The following BCOR variants were observed in gnomAD, a reference collection of about 807,000 sequenced individuals.
BCOR encodes the protein BCL-6 corepressor.
A neutral mutation model predicts 86.7 loss-of-function variants in BCOR; 10 were observed. That is an observed-to-expected ratio of 0.12 (90% CI 0.07 to 0.20). The LOEUF (loss-of-function observed/expected upper bound fraction) is 0.20, where lower values mean the gene tolerates loss of function less well. Among genes scored for constraint, BCOR ranks in the 10% least tolerant of loss-of-function variants. The pLI is 1.00. For missense variants in BCOR, 1,259 were observed against 1,452.1 expected (o/e 0.87, Z 2.16); for synonymous variants, 611 against 609.0 (o/e 1.00, Z -0.05).
chrX:40,141,467 G>A (rs528067633), intron 1 of BCOR, among the ~76,000 whole-genome samples: 1 of 112,390 alleles, frequency 8.9e-6, no homozygotes. Flanking sequence ...CACTGAGAGC[G>A]CCCCAAGGGG....
In BCOR at chrX:40,063,747, T is replaced by C. The variant is rs2147054095; in HGVS notation, c.3708A>G (p.Glu1236=). ...DGKPGRQSRK[E]VTQATQPEAI... ...CCTCAGGCTGAGTGGCCTGGGTCAC[T>C]TCCTTCCTGCTTTGCCGGCCAGGTT... Residue 1236 remains glutamate (E), a synonymous_variant, in exon 8 of 15, where the codon GAA becomes GAG. Coordinates refer to ENST00000378444, the MANE Select transcript of BCOR (RefSeq NM_001123385.2). 1 of 1,212,072 alleles carries C rather than the reference T, an allele frequency of 8.3e-7. No individual in the cohort carries two copies. Among genetic ancestry groups the C allele is most frequent in the Non-Finnish European group, 1.1e-6 (1 of 895,562 alleles).
intron 1 of BCOR, among the ~76,000 whole-genome samples, chrX:40,167,559 C>T (rs1320228485): frequency 3.5e-5 from 4 of 112,909 alleles, no homozygotes; most frequent in South Asian, 3.6e-4. Flanking sequence ...CTCTTCGCAC[C>T]ACTGTTTCTA....
At chrX:40,071,836 C>T (rs1935489222) in intron 4 of BCOR, 146 bp from the exon 5 acceptor site, 20 of 470,559 alleles carry the variant, frequency 4.3e-5, no homozygotes, top group Non-Finnish European at 6.0e-5. Flanking sequence ...AAGGAAATTC[C>T]TATACAACAT....
chrX:40,139,384 A>AT (rs1423709866), intron 1 of BCOR, among the ~76,000 whole-genome samples: 15 of 17,340 alleles, frequency 8.7e-4, no homozygotes, highest in South Asian at 5.5e-3. Context: ...ATATATATAT[A>AT]ATATATATAC....
At chrX:40,086,606 G>A (rs750395009) in intron 1 of BCOR, among the ~76,000 whole-genome samples, 4 of 113,784 alleles carry the variant, frequency 3.5e-5, no homozygotes, top group Admixed American at 2.8e-4. Flanking sequence ...GGATGCGCTG[G>A]CCAGAAACTG....
rs762722994 is a variant in BCOR, at chrX:40,074,860, T to C, written c.486A>G (p.Thr162=). Reference sequence around the variant, plus strand: ...GCCTGTCCAAGCCCAGCGCTTCTGCTGTGGCTACAGCACTTTTTTGTATTC... The same window carrying C: ...GCCTGTCCAAGCCCAGCGCTTCTGCCGTGGCTACAGCACTTTTTTGTATTC... ...PPGIQKSAVA[T]AEALGLDRPA... The change falls in exon 4 of 15, where the codon ACA becomes ACG. Residue 162 remains threonine (T), a synonymous_variant. Transcript: ENST00000378444. 11 of 1,209,733 alleles carry C rather than the reference T, an allele frequency of 9.1e-6. No individual in the cohort carries two copies. The highest frequency in any genetic ancestry group is 5.3e-5 in the South Asian group (3 of 56,725).
chrX:40,153,654 C>G lies in BCOR; in HGVS notation c.-41+23353G>C, dbSNP rs371681637. On this transcript the variant is annotated intron_variant, in intron 1 of 14. Transcript: ENST00000342274. ...CGCTGGGTTTCTAACTTCCTCTAAACCTCCCTCCTCGCTCCGAAAAGCCCC... is the reference window on the plus strand; with the variant it reads ...CGCTGGGTTTCTAACTTCCTCTAAAGCTCCCTCCTCGCTCCGAAAAGCCCC... Among the ~76,000 whole-genome samples, 9 of 111,683 alleles carry G rather than the reference C, an allele frequency of 8.1e-5. No homozygotes were observed. In the East Asian group the frequency reaches 1.4e-3, roughly 17 times the overall value.
rs1364437282 is a variant in BCOR, at chrX:40,146,255, G to A, written c.-41+30752C>T. Among the ~76,000 whole-genome samples the A allele has an allele frequency of 3.6e-5, 4 of 111,791 alleles. No homozygotes were observed. In the Admixed American group the frequency reaches 3.7e-4, roughly 10 times the overall value. ...CGCTCCCGCGGAGGCGCGGAGCCGG[G>A]GCTGGGGAGCCCGGTGCCTCCCCCC... is the stretch of plus-strand genomic sequence containing the variant. On this transcript the variant is annotated intron_variant, in intron 1 of 14. Coordinates refer to the BCOR transcript ENST00000342274.
At chrX:40,155,843 CTGGGG>C (rs1266854245) in intron 1 of BCOR, among the ~76,000 whole-genome samples, 3 of 112,429 alleles carry the variant, frequency 2.7e-5, no homozygotes, top group Non-Finnish European at 5.7e-5. Flanking sequence ...TGACTCGCGG[CTGGGG>C]TGGGGAGGGG....
intron 1 of BCOR, among the ~76,000 whole-genome samples, chrX:40,136,359 G>C (rs1318199893): frequency 8.9e-6 from 1 of 111,808 alleles, no homozygotes; most frequent in Non-Finnish European, 1.9e-5. Context: ...ATACAACAGT[G>C]TTGTGACAAG....
At chrX:40,164,978 G>A (rs1602280011) in intron 1 of BCOR, among the ~76,000 whole-genome samples, 1 of 111,722 alleles carries the variant, frequency 9.0e-6, no homozygotes, top group South Asian at 3.7e-4. Context: ...ATGCCCAGGC[G>A]GCCCATGGAC....
intron 1 of BCOR, among the ~76,000 whole-genome samples, chrX:40,147,427 A>T (rs746490739): frequency 8.9e-6 from 1 of 112,675 alleles, no homozygotes; most frequent in South Asian, 3.6e-4. Context: ...AAACCCGGGG[A>T]TATTTCTGTT....
chrX:40,116,369 C>T (rs1408456998), intron 1 of BCOR, among the ~76,000 whole-genome samples: 1 of 109,352 alleles, frequency 9.1e-6, no homozygotes, highest in African/African-American at 3.3e-5. Flanking sequence ...TGGTGGTGGG[C>T]GCCTGTAGTC....
chrX:40,144,980 C>G (rs1190474826), intron 1 of BCOR, among the ~76,000 whole-genome samples: 1 of 99,365 alleles, frequency 1.0e-5, no homozygotes. Flanking sequence ...CGACCTCAAC[C>G]CCCCTCCCCC....
At chrX:40,103,236 CG>C (rs1487870539) in intron 1 of BCOR, among the ~76,000 whole-genome samples, 26 of 111,658 alleles carry the variant, frequency 2.3e-4, no homozygotes, top group Non-Finnish European at 4.7e-4. Flanking sequence ...CACAGACAAA[CG>C]ACTGAGAGGG....
chrX:40,080,822 G>T (rs905534870), intron 1 of BCOR, among the ~76,000 whole-genome samples: 1 of 6,840 alleles, frequency 1.5e-4, no homozygotes, highest in African/African-American at 1.5e-3. Context: ...TGTCGTGTGT[G>T]TGTGTGTGTG....
In BCOR at chrX:40,063,090, A is replaced by C; in HGVS notation, c.3848-19T>G. 2.9e-6 allele frequency: 2 copies of C among 684,915 alleles called. No homozygotes were observed. The highest frequency in any genetic ancestry group is 3.8e-6 in the Non-Finnish European group (2 of 527,695). The allele number at this position is 684,915 out of a possible 1,213,427, so 56.4% of individuals were successfully genotyped here. On this transcript the variant is annotated intron_variant, in intron 8 of 14. Coordinates refer to ENST00000378444, the MANE Select transcript of BCOR (RefSeq NM_001123385.2). ...GGCAAGCCTAAATACGGAGGGGGTG[A>C]CGGGGTGGCGGGCGGATGGGAGACG... is the stretch of plus-strand genomic sequence containing the variant.
intron 1 of BCOR, among the ~76,000 whole-genome samples, chrX:40,129,521 T>TG (rs1555934119): frequency 9.4e-6 from 1 of 106,192 alleles, no homozygotes; most frequent in African/African-American, 3.4e-5. Context: ...GGTCACATAA[T>TG]GGGGGGGCCA....
chrX:40,093,587 G>C (rs1045414434), intron 1 of BCOR, among the ~76,000 whole-genome samples: 1 of 112,306 alleles, frequency 8.9e-6, no homozygotes, highest in Non-Finnish European at 1.9e-5. Flanking sequence ...CAACACATCA[G>C]TGTCCAGCTC....
Sources: allele counts gnomAD v4.1 joint callset (sites outside exome capture counted in the v4.1 genomes callset), GRCh38; gene constraint gnomAD v4.1.1; transcripts MANE v1.5; gene names NCBI Gene and HGNC (gene_info 2026-07-23, HGNC 2026-07-21).